ATCAY: variants seen among roughly 807,000 people sequenced by gnomAD.
ATCAY encodes the protein ATCAY kinesin light chain interacting caytaxin, also known as caytaxin.
A neutral mutation model predicts 47.7 loss-of-function variants in ATCAY; 22 were observed. The ratio of observed to expected loss-of-function variants is 0.46; its 90% CI spans 0.33 to 0.66. ATCAY has a LOEUF of 0.66. Among genes scored for constraint, ATCAY ranks in the 30% least tolerant of loss-of-function variants. The probability of loss-of-function intolerance (pLI) is 0.02; values close to 1 mark genes in which losing one functional copy is unlikely to be tolerated. For missense variants in ATCAY, 452 were observed against 515.0 expected, an observed-to-expected ratio of 0.88 and a Z score of 1.18; for synonymous variants, 216 against 207.6, an observed-to-expected ratio of 1.04 and a Z score of -0.35.
intron 2 of ATCAY, among the ~76,000 whole-genome samples, chr19:3,889,138 G>C (rs1014204547): frequency 1.3e-5 from 2 of 152,282 alleles, no homozygotes; most frequent in Admixed American, 1.3e-4. Context: ...AACTGGCTGG[G>C]CCTAGTGGCT....
intron 9 of ATCAY, among the ~76,000 whole-genome samples, chr19:3,916,530 G>A (rs1053372799): frequency 6.6e-6 from 1 of 152,168 alleles, no homozygotes; most frequent in Admixed American, 6.6e-5. Context: ...GTCTCACTCT[G>A]TCACCCAGGC....
intron 2 of ATCAY, among the ~76,000 whole-genome samples, chr19:3,888,337 A>G (rs1010574067): frequency 1.3e-5 from 2 of 152,074 alleles, no homozygotes; most frequent in Non-Finnish European, 2.9e-5. Flanking sequence ...AGAATTGGAA[A>G]AGAATCTCCA....
Position 3,924,715 on chromosome 19 carries a change from C to G in ATCAY, c.*123C>G, listed in dbSNP as rs2039051972. ...CTGAGTCCCAATCTTCCAAGGGTGC[C>G]AGCCCCTCCGTTCATCTCTGAAACC... On this transcript the variant is annotated 3_prime_UTR_variant, in exon 13 of 13. Transcript: ENST00000450849. The G allele has an allele frequency of 1.9e-6, 2 of 1,042,220 alleles. No individual in the cohort carries two copies. The highest frequency in any genetic ancestry group is 2.9e-5 in the South Asian group (2 of 68,156). 64.6% of individuals were successfully genotyped at this position (1,042,220 alleles called of 1,614,324 possible).
In ATCAY at chr19:3,908,389, C is replaced by T. The variant is rs746196269; in HGVS notation, c.647+19C>T. 1.5e-5 allele frequency: 23 copies of T among 1,559,270 alleles called. No homozygotes were observed. The African/African-American group carries it at 1.9e-4, about 13-fold the overall frequency. On this transcript the variant is annotated intron_variant, in intron 6 of 12. Coordinates refer to ENST00000450849, the MANE Select transcript of ATCAY (RefSeq NM_033064.5). ...TCTTCCTGTGAGTCCCCGCCCGCGG[C>T]GAGCAGCCTCGGGCCAGCTCTGATG...
intron 2 of ATCAY, among the ~76,000 whole-genome samples, chr19:3,896,115 G>A (rs546046188): frequency 6.6e-6 from 1 of 152,134 alleles, no homozygotes; most frequent in African/African-American, 2.4e-5. Flanking sequence ...GCCTCCCAAA[G>A]TGCTGTGATT....
At chr19:3,886,941 G>A (rs1265574907) in intron 2 of ATCAY, among the ~76,000 whole-genome samples, 6 of 151,668 alleles carry the variant, frequency 4.0e-5, no homozygotes, top group African/African-American at 7.3e-5. Flanking sequence ...CTCGAACTCC[G>A]AAAGTGCTTG....
intron 12 of ATCAY, among the ~76,000 whole-genome samples, chr19:3,924,189 T>C (rs1231088809): frequency 6.8e-6 from 1 of 146,660 alleles, no homozygotes; most frequent in Non-Finnish European, 1.5e-5. Context: ...GGCAGAGGGA[T>C]GAATGGATCC....
intron 6 of ATCAY, 109 bp from the exon 7 acceptor site, chr19:3,909,377 G>C: frequency 7.4e-7 from 1 of 1,344,102 alleles, no homozygotes; most frequent in African/African-American, 1.4e-5. Flanking sequence ...GGACCAGTGG[G>C]GCTGACCCAG....
At chr19:3,896,043 G>A (rs1023771814) in intron 2 of ATCAY, among the ~76,000 whole-genome samples, 10 of 151,932 alleles carry the variant, frequency 6.6e-5, no homozygotes, top group Non-Finnish European at 1.2e-4. Flanking sequence ...GTAGTGATGG[G>A]GTCTTGCTGT....
intron 2 of ATCAY, among the ~76,000 whole-genome samples, chr19:3,886,265 A>G (rs1391911915): frequency 6.6e-6 from 1 of 152,030 alleles, no homozygotes; most frequent in Non-Finnish European, 1.5e-5. Flanking sequence ...CCTGGCCAAC[A>G]TGGCAAAACC....
intron 2 of ATCAY, among the ~76,000 whole-genome samples, chr19:3,897,890 A>C (rs1458468587): frequency 1.3e-5 from 2 of 152,262 alleles, no homozygotes; most frequent in Non-Finnish European, 2.9e-5. Context: ...CCTGGGCAAA[A>C]GAGTGAAACT....
chr19:3,924,549 A>G, intron 12 of ATCAY, 34 bp from the exon 13 acceptor site: 1 of 1,613,684 alleles, frequency 6.2e-7, no homozygotes, highest in Non-Finnish European at 8.5e-7. Context: ...TAACATTAAC[A>G]GCAATAACTT....
chr19:3,883,022 T>A (rs897236510), intron 1 of ATCAY, among the ~76,000 whole-genome samples: 4 of 151,792 alleles, frequency 2.6e-5, no homozygotes, highest in Non-Finnish European at 5.9e-5. Flanking sequence ...TGGTCTCAAG[T>A]GATCTGCCCA....
Position 3,907,049 on chromosome 19 carries a change from G to A in ATCAY, c.359-685G>A, listed in dbSNP as rs906285369. On this transcript the variant is annotated intron_variant, in intron 4 of 12. Transcript: ENST00000450849. This position sits in a 1 kb window ranked among gnomAD's most constrained non-coding sequence, Gnocchi z 5.1. ...CTCGGGAGGCTGAGGCAGGAGAATC[G>A]CTTGAACTCTGGAGGCAGAGGCTGC... Among the ~76,000 whole-genome samples the A allele has an allele frequency of 7.3e-5, 11 of 151,068 alleles. No individual in the cohort carries two copies. Among genetic ancestry groups the A allele is most frequent in the South Asian group, 2.1e-4 (1 of 4,776 alleles).
chr19:3,921,249 G>T (rs560328424), intron 12 of ATCAY, among the ~76,000 whole-genome samples: 2 of 151,692 alleles, frequency 1.3e-5, no homozygotes, highest in Admixed American at 1.3e-4. Flanking sequence ...AGCGTCTCAC[G>T]CCTGTAATCC....
At chr19:3,898,128 G>A (rs1045445540) in intron 2 of ATCAY, among the ~76,000 whole-genome samples, 11 of 151,814 alleles carry the variant, frequency 7.2e-5, no homozygotes, top group African/African-American at 2.4e-4. Context: ...CCCAACCCCA[G>A]TGACCACACA....
intron 4 of ATCAY, 46 bp downstream of exon 4, chr19:3,905,701 C>T (rs552408541): frequency 6.1e-4 from 925 of 1,525,126 alleles, no homozygotes; most frequent in Non-Finnish European, 7.8e-4. Context: ...CCACCCCCCC[C>T]ACCCCACCTT....
At chr19:3,908,596 C>T (rs1369001306) in intron 6 of ATCAY, among the ~76,000 whole-genome samples, 2 of 150,388 alleles carry the variant, frequency 1.3e-5, no homozygotes, top group Admixed American at 6.6e-5. Flanking sequence ...TCCTCCTCCT[C>T]TTCCTCCTCC....
At chr19:3,894,754 G>T (rs1393920283) in intron 2 of ATCAY, among the ~76,000 whole-genome samples, 1 of 151,284 alleles carries the variant, frequency 6.6e-6, no homozygotes, top group Non-Finnish European at 1.5e-5. Flanking sequence ...TTCAAGACCA[G>T]CCTAGGCACC....
Sources: allele counts gnomAD v4.1 joint callset (sites outside exome capture counted in the v4.1 genomes callset), GRCh38; gene constraint gnomAD v4.1.1; non-coding constraint Gnocchi (gnomAD v3.1); transcripts MANE v1.5; gene names NCBI Gene and HGNC (gene_info 2026-07-23, HGNC 2026-07-21).